Variants in SLC39A11 observed in about 807,000 individuals in gnomAD.
SLC39A11 encodes zinc transporter ZIP11.
A neutral mutation model predicts 36.1 loss-of-function variants in SLC39A11; 33 were observed. The ratio of observed to expected loss-of-function variants is 0.91; its 90% CI spans 0.69 to 1.22. The LOEUF (loss-of-function observed/expected upper bound fraction) is 1.22, where lower values mean the gene tolerates loss of function less well. Among genes scored for constraint, SLC39A11 ranks in the 50% most tolerant of loss-of-function variants. SLC39A11 has a pLI of 0.00. For synonymous variants in SLC39A11, 166 were observed against 170.3 expected, an observed-to-expected ratio of 0.97 and a Z score of 0.20; for missense variants, 432 against 430.3, an observed-to-expected ratio of 1.00 and a Z score of -0.03.
chr17:72,869,164 C>T (rs978414595), intron 5 of SLC39A11, among the ~76,000 whole-genome samples: 1 of 152,136 alleles, frequency 6.6e-6, no homozygotes, highest in Admixed American at 6.5e-5. Flanking sequence ...AATAAACGAG[C>T]CCCCCATGTT....
At chr17:72,986,426 C>T (rs183246433) in intron 4 of SLC39A11, among the ~76,000 whole-genome samples, 32 of 152,338 alleles carry the variant, frequency 2.1e-4, no homozygotes, top group African/African-American at 7.7e-4. Flanking sequence ...CCACCCAAAG[C>T]CTCCTAAATC....
At chr17:72,848,869 C>T (rs1006413974) in intron 6 of SLC39A11, among the ~76,000 whole-genome samples, 1 of 152,166 alleles carries the variant, frequency 6.6e-6, no homozygotes, top group East Asian at 1.9e-4. Context: ...ACTTGACCCT[C>T]GAACAATGCA....
chr17:72,729,437 ATATATATATATATATATAT>A (rs1235748765), intron 7 of SLC39A11, among the ~76,000 whole-genome samples: 107 of 2,514 alleles, frequency 0.043, 16 homozygotes, highest in Non-Finnish European at 0.07. Context: ...ATATATATAT[ATATATATATATATATATAT>A]ATTTTTTTTT....
At position 73,042,405 on chromosome 17, in the gene SLC39A11, C is replaced by T. The variant is rs1210397850; in HGVS notation, c.148-10691G>A. On this transcript the variant is annotated intron_variant, in intron 3 of 9. Transcript: ENST00000255559. ...GTGCCTACTATGGAGCAGATCCTCC[C>T]TCATGTTTATTGAACCAAAGGAACA... is the stretch of plus-strand genomic sequence containing the variant. 3.9e-5 allele frequency among the ~76,000 whole-genome samples: 6 copies of T among 152,320 alleles called. No homozygotes were observed. The East Asian group carries it at 1.2e-3, about 29-fold the overall frequency.
rs73349342 is a variant in SLC39A11, at chr17:72,977,194, G to A, written c.307-29319C>T. 3.8e-3 allele frequency among the ~76,000 whole-genome samples: 577 copies of A among 152,330 alleles called. 5 individuals carry two copies. The highest frequency in any genetic ancestry group is 0.012 in the African/African-American group (519 of 41,582). On this transcript the variant is annotated intron_variant, in intron 4 of 9. Coordinates refer to ENST00000255559, the MANE Select transcript of SLC39A11 (RefSeq NM_139177.4). ...GAGCCATGACTGGCTGAAGAAGCAG[G>A]GAGCCACATGGGAAGGAATGTGGAC... is the stretch of plus-strand genomic sequence containing the variant.
At chr17:73,012,760 G>GTTTAT (rs970569334) in intron 4 of SLC39A11, among the ~76,000 whole-genome samples, 4 of 151,618 alleles carry the variant, frequency 2.6e-5, no homozygotes, top group Non-Finnish European at 4.4e-5. Flanking sequence ...TGTACCCAAT[G>GTTTAT]TTTATTTTAT....
intron 6 of SLC39A11, among the ~76,000 whole-genome samples, chr17:72,824,246 C>T (rs2077919751): frequency 6.6e-6 from 1 of 150,948 alleles, no homozygotes; most frequent in Non-Finnish European, 1.5e-5. Context: ...GTGTGTAGCA[C>T]CTTCCCCTTC....
At chr17:72,837,868 T>C (rs1206045389) in intron 6 of SLC39A11, 1 of 1,034,844 alleles carries the variant, frequency 9.7e-7, no homozygotes, top group Non-Finnish European at 1.2e-6. Context: ...AGTAGATTAG[T>C]GCAGGGGCTG....
chr17:72,893,177 C>T (rs148098720), intron 5 of SLC39A11, among the ~76,000 whole-genome samples: 1,922 of 152,196 alleles, frequency 0.013, 17 homozygotes, highest in Non-Finnish European at 0.019. Flanking sequence ...AACATATGGA[C>T]CAGGGGCCGG....
In SLC39A11 at chr17:72,666,174, C is replaced by T. The variant is rs964342893; in HGVS notation, c.672-16906G>A. 1.1e-4 allele frequency among the ~76,000 whole-genome samples: 16 copies of T among 152,156 alleles called. 1 individual carries two copies. Among genetic ancestry groups the T allele is most frequent in the Admixed American group, 4.6e-4 (7 of 15,268 alleles). On this transcript the variant is annotated intron_variant, in intron 7 of 9. Coordinates refer to ENST00000255559, the MANE Select transcript of SLC39A11 (RefSeq NM_139177.4). ...TTTCCAGATCCTACGTTTTGTGATC[C>T]CTAAACAACGAGGGTATTGTGGGTT...
chr17:73,001,120 C>G (rs913823724), intron 4 of SLC39A11, among the ~76,000 whole-genome samples: 2 of 152,130 alleles, frequency 1.3e-5, no homozygotes, highest in African/African-American at 4.8e-5. Flanking sequence ...AAGGGCCCTT[C>G]TCTAAGTTTC....
chr17:72,783,691 G>A (rs1192245029), intron 6 of SLC39A11, among the ~76,000 whole-genome samples: 2 of 152,082 alleles, frequency 1.3e-5, no homozygotes, highest in African/African-American at 4.8e-5. Flanking sequence ...AAGTCCAGAG[G>A]AAAACCATAG....
chr17:72,843,609 C>A (rs1264534934), intron 6 of SLC39A11, among the ~76,000 whole-genome samples: 1 of 152,182 alleles, frequency 6.6e-6, no homozygotes, highest in Non-Finnish European at 1.5e-5. Flanking sequence ...CAGAACCTGA[C>A]CACGACCATG....
chr17:73,059,216 CAT>C (rs1455175373), intron 3 of SLC39A11, among the ~76,000 whole-genome samples: 1 of 152,116 alleles, frequency 6.6e-6, no homozygotes, highest in East Asian at 1.9e-4. Flanking sequence ...AACATGAAAA[CAT>C]TGTTCTAGGA....
At chr17:72,965,976 A>G (rs1373444592) in intron 4 of SLC39A11, among the ~76,000 whole-genome samples, 1 of 152,236 alleles carries the variant, frequency 6.6e-6, no homozygotes, top group Non-Finnish European at 1.5e-5. Context: ...CTCCCATTCC[A>G]TGGAAGAGAA....
intron 5 of SLC39A11, among the ~76,000 whole-genome samples, chr17:72,852,228 A>AAAAAAAAAAAC (rs1491123331): frequency 5.2e-5 from 7 of 134,908 alleles, no homozygotes; most frequent in Non-Finnish European, 8.1e-5. Flanking sequence ...AAAAAAAAAA[A>AAAAAAAAAAAC]CAGAAAGAAA....
At chr17:72,690,070 C>T (rs1267678594) in intron 7 of SLC39A11, among the ~76,000 whole-genome samples, 1 of 152,192 alleles carries the variant, frequency 6.6e-6, no homozygotes, top group Non-Finnish European at 1.5e-5. Context: ...ACTCTCCTTC[C>T]TCCTTCTGGG....
intron 6 of SLC39A11, among the ~76,000 whole-genome samples, chr17:72,833,791 T>C (rs1016025179): frequency 6.6e-6 from 1 of 152,096 alleles, no homozygotes; most frequent in Non-Finnish European, 1.5e-5. Context: ...TCAGACATCA[T>C]GATGCTCTCG....
intron 3 of SLC39A11, among the ~76,000 whole-genome samples, chr17:73,034,084 C>T (rs967027761): frequency 8.5e-5 from 13 of 152,206 alleles, no homozygotes; most frequent in African/African-American, 3.1e-4. Context: ...AGGGCTCCCC[C>T]TCCCTGCTAC....
Sources: allele counts gnomAD v4.1 joint callset (sites outside exome capture counted in the v4.1 genomes callset), GRCh38; gene constraint gnomAD v4.1.1; transcripts MANE v1.5; gene names NCBI Gene and HGNC (gene_info 2026-07-23, HGNC 2026-07-21).